Variants in SLIT2 observed in about 807,000 individuals in gnomAD.
The protein encoded by SLIT2 is slit homolog 2 protein.
Under a neutral mutation model 185.7 loss-of-function variants are expected in SLIT2, and 41 were observed. That is an observed-to-expected ratio of 0.22 (90% CI 0.17 to 0.29). The LOEUF (loss-of-function observed/expected upper bound fraction) is 0.29. Among genes scored for constraint, SLIT2 ranks in the 10% least tolerant of loss-of-function variants. SLIT2 has a pLI of 1.00. For synonymous variants in SLIT2, 693 were observed against 680.2 expected, an observed-to-expected ratio of 1.02 and a Z score of -0.29; for missense variants, 1,571 against 1,909.0, an observed-to-expected ratio of 0.82 and a Z score of 3.30.
rs189590730 is a variant in SLIT2, at chr4:20,356,626, C to A, written c.395+87745C>A. ...TAGCTTATTTCTCCAGTATTTCTCC[C>A]TGTATTACTCTAGCTCATATTTAGA... is the stretch of plus-strand genomic sequence containing the variant. On this transcript the variant is annotated intron_variant, in intron 4 of 36. Coordinates refer to ENST00000504154, the MANE Select transcript of SLIT2 (RefSeq NM_004787.4). Among the ~76,000 whole-genome samples, 569 of 152,266 alleles carry A rather than the reference C, an allele frequency of 3.7e-3. 4 individuals carry two copies. The highest frequency in any genetic ancestry group is 0.013 in the African/African-American group (549 of 41,552).
At chr4:20,477,470 A>C in intron 5 of SLIT2, among the ~76,000 whole-genome samples, 1 of 152,136 alleles carries the variant, frequency 6.6e-6, no homozygotes, top group East Asian at 1.9e-4. Context: ...AGGTGCTGGG[A>C]TTACAGGCAT....
intron 4 of SLIT2, among the ~76,000 whole-genome samples, chr4:20,342,717 CTTTTTTTTTTTTTT>C (rs11373611): frequency 1.4e-5 from 1 of 69,680 alleles, no homozygotes; most frequent in Non-Finnish European, 2.4e-5. Flanking sequence ...GACTATCGCA[CTTTTTTTTTTTTTT>C]TTTTTTTTTT....
At chr4:20,553,437 C>T (rs1292612644) in intron 25 of SLIT2, among the ~76,000 whole-genome samples, 2 of 152,128 alleles carry the variant, frequency 1.3e-5, no homozygotes, top group African/African-American at 4.8e-5. Flanking sequence ...TCCTCAGAAC[C>T]TTGCATTGTG....
chr4:20,475,556 C>A (rs920006591), intron 5 of SLIT2, among the ~76,000 whole-genome samples: 4 of 152,058 alleles, frequency 2.6e-5, no homozygotes, highest in African/African-American at 9.7e-5. Context: ...AGACTATTTG[C>A]TACATACCAT....
chr4:20,519,900 G>C (rs1720666558), intron 12 of SLIT2, among the ~76,000 whole-genome samples: 2 of 151,868 alleles, frequency 1.3e-5, no homozygotes, highest in Admixed American at 1.3e-4. Context: ...GCGTGGTGGT[G>C]GTGGGCCCCT....
At chr4:20,388,607 C>T (rs1250726393) in intron 4 of SLIT2, among the ~76,000 whole-genome samples, 2 of 151,612 alleles carry the variant, frequency 1.3e-5, no homozygotes, top group Admixed American at 6.6e-5. Flanking sequence ...AACCCCATCT[C>T]TACTACAAAT....
At chr4:20,515,935 C>A (rs1024883393) in intron 11 of SLIT2, among the ~76,000 whole-genome samples, 2 of 152,092 alleles carry the variant, frequency 1.3e-5, no homozygotes, top group Non-Finnish European at 2.9e-5. Flanking sequence ...CCTGCCTCAG[C>A]CTCTCATGTA....
chr4:20,425,632 TG>T (rs1218740439), intron 4 of SLIT2, among the ~76,000 whole-genome samples: 1 of 152,206 alleles, frequency 6.6e-6, no homozygotes, highest in East Asian at 1.9e-4. Flanking sequence ...CAAATCTTCC[TG>T]TCCATAAATC....
intron 4 of SLIT2, among the ~76,000 whole-genome samples, chr4:20,458,147 G>T (rs949635890): frequency 6.6e-6 from 1 of 151,052 alleles, no homozygotes; most frequent in Admixed American, 6.6e-5. Flanking sequence ...GGCTTTGATG[G>T]TCACACAACA....
At chr4:20,258,072 GT>G in intron 3 of SLIT2, 133 bp downstream of exon 3, 1 of 529,450 alleles carries the variant, frequency 1.9e-6, no homozygotes, top group African/African-American at 1.9e-5. Context: ...TGAATGAGTG[GT>G]TTTCAGGTTA....
In SLIT2 at chr4:20,553,647, A is replaced by G. The variant is rs74836287; in HGVS notation, c.2562-158A>G. On this transcript the variant is annotated intron_variant, in intron 25 of 36. Coordinates refer to ENST00000504154, the MANE Select transcript of SLIT2 (RefSeq NM_004787.4). The stretch of plus-strand genomic sequence containing the variant: ...CCCAGTGTCTCTATTTTTTTGCTAA[A>G]TTGTTATCCTCAATAAATCTATGGG... 2.1e-3 allele frequency among the ~76,000 whole-genome samples: 318 copies of G among 152,308 alleles called. 2 individuals are homozygous for G. Among genetic ancestry groups the G allele is most frequent in the African/African-American group, 7.4e-3 (307 of 41,572 alleles).
At chr4:20,525,421 A>C in intron 15 of SLIT2, among the ~76,000 whole-genome samples, 1 of 152,134 alleles carries the variant, frequency 6.6e-6, no homozygotes, top group Admixed American at 6.5e-5. Context: ...ATTATCTAAA[A>C]TTTCTCACAG....
At chr4:20,375,767 A>T (rs1482777490) in intron 4 of SLIT2, among the ~76,000 whole-genome samples, 2 of 151,992 alleles carry the variant, frequency 1.3e-5, no homozygotes, top group African/African-American at 4.8e-5. Flanking sequence ...TTAGAGTTTA[A>T]TTTTATACTT....
At position 20,582,395 on chromosome 4, in the gene SLIT2, T is replaced by C. The variant is rs142693796; in HGVS notation, c.3089-7249T>C. ...CTTAGCATTCAGCACAGAGGCAATT[T>C]TATGCATATAGTAGTCCCCTCGTTA... On this transcript the variant is annotated intron_variant, in intron 29 of 36. Coordinates refer to ENST00000504154, the MANE Select transcript of SLIT2 (RefSeq NM_004787.4). 8.9e-3 allele frequency among the ~76,000 whole-genome samples: 1,349 copies of C among 152,300 alleles called. 8 individuals are homozygous for C. Among genetic ancestry groups the C allele is most frequent in the Non-Finnish European group, 0.015 (1,043 of 68,024 alleles).
chr4:20,518,581 A>ATATATATATATATC (rs1720501897), intron 11 of SLIT2, among the ~76,000 whole-genome samples: 1 of 23,204 alleles, frequency 4.3e-5, no homozygotes, highest in Non-Finnish European at 7.3e-5. Flanking sequence ...ATATATATAT[A>ATATATATATATATC]TATATATTTT....
chr4:20,555,719 C>T (rs1384324449), intron 26 of SLIT2, among the ~76,000 whole-genome samples: 2 of 151,912 alleles, frequency 1.3e-5, no homozygotes, highest in African/African-American at 4.8e-5. Context: ...GTAATTTGCA[C>T]CACATTGTAA....
Position 20,568,857 on chromosome 4 carries a change from G to T in SLIT2, c.2949-8G>T, listed in dbSNP as rs774096692. On this transcript the variant is annotated splice_polypyrimidine_tract_variant and splice_region_variant and intron_variant, in intron 28 of 36. Coordinates refer to ENST00000504154, the MANE Select transcript of SLIT2 (RefSeq NM_004787.4). ...GATGTTTTTTGCCTTTTCTCCTCTG[G>T]CATTCAGGTGTATTTGTGCTGATGG... is the stretch of plus-strand genomic sequence containing the variant. 10 of 1,608,394 alleles carry T rather than the reference G, an allele frequency of 6.2e-6. No individual in the cohort carries two copies. In the South Asian group the frequency reaches 1.1e-4, roughly 18 times the overall value.
intron 1 of SLIT2, among the ~76,000 whole-genome samples, chr4:20,256,236 T>C (rs1482528531): frequency 6.6e-6 from 1 of 152,076 alleles, no homozygotes; most frequent in Admixed American, 6.5e-5. Context: ...CTAAGGACAG[T>C]GTTCTGAATT....
intron 5 of SLIT2, among the ~76,000 whole-genome samples, chr4:20,472,466 C>CTATAGATATATATATATCTATA (rs1715436243): frequency 3.7e-5 from 1 of 26,680 alleles, no homozygotes; most frequent in Non-Finnish European, 6.3e-5. Flanking sequence ...ATATCTATAT[C>CTATAGATATATATATATCTATA]TATATATAGA....
Sources: gnomAD v4.1 joint callset for allele counts (sites outside exome capture counted in the v4.1 genomes callset) on GRCh38, gnomAD v4.1.1 for gene constraint, MANE v1.5 for transcripts, NCBI Gene and HGNC (gene_info 2026-07-23, HGNC 2026-07-21) for gene names.